C2CD2: variants seen among roughly 807,000 people sequenced by gnomAD.
C2CD2 encodes C2 domain-containing protein 2.
A neutral mutation model predicts 74.3 loss-of-function variants in C2CD2; 43 were observed. The ratio of observed to expected loss-of-function variants is 0.58; its 90% CI spans 0.45 to 0.75. C2CD2 has a LOEUF of 0.75. Ranked by LOEUF, C2CD2 falls within the 30% of genes least tolerant of loss-of-function variation. C2CD2 has a pLI of 0.00. For missense variants in C2CD2, 801 were observed against 916.3 expected (o/e 0.87, Z 1.63); for synonymous variants, 422 against 390.7 (o/e 1.08, Z -0.94).
chr21:41,916,664 TACACACACACACAC>T (rs10580778), intron 5 of C2CD2, among the ~76,000 whole-genome samples: 5 of 144,754 alleles, frequency 3.5e-5, no homozygotes, highest in African/African-American at 7.7e-5. Context: ...GTGAGCTGAT[TACACACACACACAC>T]ACACACACAC....
chr21:41,943,637 G>C (rs576049269), intron 1 of C2CD2, among the ~76,000 whole-genome samples: 2 of 152,214 alleles, frequency 1.3e-5, no homozygotes, highest in African/African-American at 4.8e-5. Flanking sequence ...GAGGGTGGGA[G>C]AGGGGAAGCG....
In C2CD2 at chr21:41,899,233, C is replaced by T. The variant is rs763828006; in HGVS notation, c.1690G>A (p.Glu564Lys). ...AAASAPPEEA[E>K]SAQASLAPKP... is the part of the protein sequence containing the mutation. ...GGGGCAAGGGATGCCTGGGCTGACTCGGCTTCCTCTGGCGGGGCAGAGGCT... is the reference window on the plus strand; with the variant it reads ...GGGGCAAGGGATGCCTGGGCTGACTTGGCTTCCTCTGGCGGGGCAGAGGCT... Residue 564 changes from glutamate (E) to lysine (K), a missense_variant, in exon 13 of 14, where the codon GAG (glutamate) becomes AAG (lysine). Coordinates refer to ENST00000380486, the MANE Select transcript of C2CD2 (RefSeq NM_015500.2). The surrounding 1 kb of genome is among the most constrained non-coding windows in gnomAD (Gnocchi z 4.4). The T allele has an allele frequency of 3.3e-5, 53 of 1,612,082 alleles. No homozygotes were observed. Among genetic ancestry groups the T allele is most frequent in the Middle Eastern group, 1.6e-4 (1 of 6,074 alleles).
In C2CD2 at chr21:41,896,719, A is replaced by C. The variant is rs531295115; in HGVS notation, c.1870+2334T>G. ...GTGGTTCTTAAACCAAAAAAAAAAA[A>C]AAAAAAAAAACAAGCTTTAGTTTTT... On this transcript the variant is annotated intron_variant, in intron 13 of 13. Coordinates refer to ENST00000380486, the MANE Select transcript of C2CD2 (RefSeq NM_015500.2). Among the ~76,000 whole-genome samples the C allele has an allele frequency of 3.1e-3, 474 of 151,724 alleles. 3 individuals carry two copies. The highest frequency in any genetic ancestry group is 4.5e-3 in the Non-Finnish European group (308 of 67,904).
rs2146243547 is a variant in C2CD2 at position 41,953,719 on chromosome 21, G to A, written c.-71C>T. The A allele has an allele frequency of 8.0e-7, 1 of 1,254,076 alleles. No homozygotes were observed. The highest frequency in any genetic ancestry group is 1.0e-6 in the Non-Finnish European group (1 of 997,558). 77.7% of individuals were successfully genotyped at this position (1,254,076 alleles called of 1,614,324 possible). On this transcript the variant is annotated 5_prime_UTR_variant, in exon 1 of 14. Coordinates refer to ENST00000380486, the MANE Select transcript of C2CD2 (RefSeq NM_015500.2). ...GGCCGGAACGGCGGACTCAGGACAC[G>A]CGCTGGCTGCGGCCACAGCGCGCTG... is the stretch of plus-strand genomic sequence containing the variant.
rs879942167 is a variant in C2CD2, at chr21:41,897,876, G to C, written c.1870+1177C>G. ...TGCTGCACTGTGAGGCTGCCTTGTG[G>C]GGGCGTGTCCTGTGCACGGCAGGGC... On this transcript the variant is annotated intron_variant, in intron 13 of 13. Transcript: ENST00000380486. Among the ~76,000 whole-genome samples, 5 of 152,212 alleles carry C rather than the reference G, an allele frequency of 3.3e-5. No homozygotes were observed. In the East Asian group the frequency reaches 9.6e-4, roughly 29 times the overall value.
chr21:41,912,870 ACC>A (rs1406995460), intron 6 of C2CD2, among the ~76,000 whole-genome samples: 1 of 152,270 alleles, frequency 6.6e-6, no homozygotes, highest in Non-Finnish European at 1.5e-5. Context: ...GTCGAGGTTT[ACC>A]CACTTCAGAG....
At chr21:41,925,203 A>C (rs1376340012) in intron 2 of C2CD2, among the ~76,000 whole-genome samples, 3 of 152,158 alleles carry the variant, frequency 2.0e-5, no homozygotes, top group Non-Finnish European at 4.4e-5. Flanking sequence ...GAAACAATTT[A>C]GGCCGAGTGT....
At chr21:41,894,921 T>A (rs2064804717) in intron 13 of C2CD2, 1 of 456,586 alleles carries the variant, frequency 2.2e-6, no homozygotes, top group African/African-American at 2.0e-5. Context: ...TAACCCCATA[T>A]GGAATGTACC....
rs534824888 is a variant in C2CD2 at position 41,939,896 on chromosome 21, C to T, written c.378+2251G>A. 1.3e-5 allele frequency among the ~76,000 whole-genome samples: 2 copies of T among 152,290 alleles called. No individual in the cohort carries two copies. Among genetic ancestry groups the T allele is most frequent in the South Asian group, 2.1e-4 (1 of 4,824 alleles). ...GCTCATGCCTGCCCTTGGGGTCCTC[C>T]GGTGCTTGTCTGAGGAGTCGGGAGG... On this transcript the variant is annotated intron_variant, in intron 2 of 13. Coordinates refer to ENST00000380486, the MANE Select transcript of C2CD2 (RefSeq NM_015500.2). This position sits in a 1 kb window ranked among gnomAD's most constrained non-coding sequence, Gnocchi z 5.5.
intron 12 of C2CD2, among the ~76,000 whole-genome samples, chr21:41,900,592 C>T (rs974727390): frequency 6.6e-6 from 1 of 152,200 alleles, no homozygotes; most frequent in African/African-American, 2.4e-5. Flanking sequence ...GGGGCAAGGC[C>T]ACCCTCTGGG....
chr21:41,888,823 A>G lies in C2CD2; in HGVS notation c.*301T>C. On this transcript the variant is annotated 3_prime_UTR_variant, in exon 14 of 14. Coordinates refer to ENST00000380486, the MANE Select transcript of C2CD2 (RefSeq NM_015500.2). ...TCTATTAGAGCATATTATTTCACTT[A>G]TAATGTTAATCTCCTTCTAATATTG... The G allele has an allele frequency of 2.3e-6, 1 of 435,014 alleles. No homozygotes were observed. The highest frequency in any genetic ancestry group is 2.6e-5 in the South Asian group (1 of 38,672). 26.9% of individuals were successfully genotyped at this position (435,014 alleles called of 1,614,324 possible).
chr21:41,926,215 A>G lies in C2CD2; in HGVS notation c.379-4130T>C, dbSNP rs764979722. Among the ~76,000 whole-genome samples, 1 of 152,012 alleles carries G rather than the reference A, an allele frequency of 6.6e-6. No homozygotes were observed. The highest frequency in any genetic ancestry group is 1.5e-5 in the Non-Finnish European group (1 of 68,006). The stretch of plus-strand genomic sequence containing the variant: ...ATCCCCCAACCTGCATTTTTTTGAC[A>G]TTTTTTTTCCCCAAAACAAGCAAAG... On this transcript the variant is annotated intron_variant, in intron 2 of 13. Transcript: ENST00000380486. The surrounding 1 kb of genome is among the most constrained non-coding windows in gnomAD (Gnocchi z 8.0).
At chr21:41,917,574 C>T (rs79216847) in intron 5 of C2CD2, among the ~76,000 whole-genome samples, 28 of 152,208 alleles carry the variant, frequency 1.8e-4, no homozygotes, top group Non-Finnish European at 3.4e-4. Context: ...AAGTGAGTAG[C>T]GCCCTAATCA....
Position 41,889,136 on chromosome 21 carries a change from C to T in C2CD2, c.2079G>A (p.Glu693=), listed in dbSNP as rs2146121962. 1 of 1,612,084 alleles carries T rather than the reference C, an allele frequency of 6.2e-7. No individual in the cohort carries two copies. Among genetic ancestry groups the T allele is most frequent in the Non-Finnish European group, 8.5e-7 (1 of 1,179,852 alleles). ...ATGACCTCAGGCCCTACGTGCAGGG[C>T]TCCACGGGGGCACCGTTCATGGTGT... The part of the protein sequence containing the change: ...NKNTMNGAPV[E]PCT The change falls in exon 14 of 14, where the codon GAG becomes GAA. Residue 693 remains glutamate (E), a synonymous_variant. Transcript: ENST00000380486.
rs2146156040 is a variant in C2CD2, at chr21:41,903,162, GA to G, written c.1433-1414del. Among the ~76,000 whole-genome samples, 1 of 152,312 alleles carries G rather than the reference GA, an allele frequency of 6.6e-6. No individual in the cohort carries two copies. Among genetic ancestry groups the G allele is most frequent in the African/African-American group, 2.4e-5 (1 of 41,570 alleles). Reference sequence around the variant, plus strand: ...CGGAGATCAAAGCTCCCACACTCAGGACCCTCCCAGACTGTGCCCTGAGCCC... The same window carrying G: ...CGGAGATCAAAGCTCCCACACTCAGGCCCTCCCAGACTGTGCCCTGAGCCC... On this transcript the variant is annotated intron_variant, in intron 11 of 13. Coordinates refer to ENST00000380486, the MANE Select transcript of C2CD2 (RefSeq NM_015500.2). This position sits in a 1 kb window ranked among gnomAD's most constrained non-coding sequence, Gnocchi z 4.5.
At chr21:41,932,697 C>T (rs2065272999) in intron 2 of C2CD2, among the ~76,000 whole-genome samples, 1 of 150,742 alleles carries the variant, frequency 6.6e-6, no homozygotes, top group South Asian at 2.1e-4. Context: ...TGGCCGCAGC[C>T]GCGGCTGGGC....
intron 2 of C2CD2, 64 bp from the exon 3 acceptor site, chr21:41,922,149 A>G (rs1177061314): frequency 1.1e-6 from 1 of 871,924 alleles, no homozygotes; most frequent in Non-Finnish European, 1.8e-6. Context: ...GTGCATACGC[A>G]TCTTCTTCTT....
At position 41,945,488 on chromosome 21, in the gene C2CD2, T is replaced by C. The variant is rs2065390686; in HGVS notation, c.280-3243A>G. On this transcript the variant is annotated intron_variant, in intron 1 of 13. Transcript: ENST00000380486. This position sits in a 1 kb window ranked among gnomAD's most constrained non-coding sequence, Gnocchi z 4.2. ...CAAAAACAAATATTTTGTGGAAACA[T>C]GAAGTAAGGAAATGAAAAAAAAAAA... Among the ~76,000 whole-genome samples the C allele has an allele frequency of 6.9e-6, 1 of 144,338 alleles. No individual in the cohort carries two copies. Among genetic ancestry groups the C allele is most frequent in the South Asian group, 2.2e-4 (1 of 4,606 alleles). The allele number at this position is 144,338 out of a possible 152,430, so 94.7% of individuals were successfully genotyped here. A position where few individuals can be genotyped will look rare whatever the true frequency, so the allele number is the denominator to read the frequency against.
chr21:41,913,186 C>T (rs956850815), intron 6 of C2CD2, among the ~76,000 whole-genome samples: 14 of 148,262 alleles, frequency 9.4e-5, no homozygotes, highest in South Asian at 2.3e-4. Flanking sequence ...TCCCATTTCC[C>T]GACTTACACC....
Sources: gnomAD v4.1 joint callset for allele counts (sites outside exome capture counted in the v4.1 genomes callset) on GRCh38, gnomAD v4.1.1 for gene constraint, Gnocchi (gnomAD v3.1) non-coding constraint, MANE v1.5 for transcripts, NCBI Gene and HGNC (gene_info 2026-07-23, HGNC 2026-07-21) for gene names.